CFAP73: variants seen among roughly 807,000 people sequenced by gnomAD.
The protein encoded by CFAP73 is cilia and flagella associated protein 73, also known as cilia- and flagella-associated protein 73.
CFAP73 carries 33 observed loss-of-function variants against 42.9 expected under a neutral mutation model. The observed-to-expected ratio is 0.77, with a 90% CI of 0.58 to 1.03. The LOEUF (loss-of-function observed/expected upper bound fraction) is 1.03. Ranked by LOEUF, CFAP73 falls within the 50% of genes least tolerant of loss-of-function variation. The pLI, the probability that CFAP73 is intolerant of heterozygous loss-of-function variation, is 0.00. For synonymous variants in CFAP73, 162 were observed against 186.8 expected (o/e 0.87, Z 1.08); for missense variants, 392 against 411.9 (o/e 0.95, Z 0.42).
intron 1 of CFAP73, among the ~76,000 whole-genome samples, chr12:113,150,326 T>C (rs7959803): frequency 0.11 from 17,207 of 152,076 alleles, 1,187 homozygotes; most frequent in East Asian, 0.21. Context: ...GGGGTTTTCT[T>C]CTGGACCACG....
Position 113,157,488 on chromosome 12 carries a change from A to G in CFAP73, c.850-114A>G, listed in dbSNP as rs1051402592. 6.4e-6 allele frequency: 5 copies of G among 783,694 alleles called. No homozygotes were observed. The Admixed American group carries it at 8.8e-5, about 14-fold the overall frequency. The allele number at this position is 783,694 out of a possible 1,614,324, so 48.5% of individuals were successfully genotyped here. A position where few individuals can be genotyped will look rare whatever the true frequency, so the allele number is the denominator to read the frequency against. On this transcript the variant is annotated intron_variant, in intron 6 of 7. Transcript: ENST00000335621. ...GAACCACCATCATCACTGTTCTTTTAATGAGGGGATCTCCAGTCCCCGCCC... is the reference window on the plus strand; with the variant it reads ...GAACCACCATCATCACTGTTCTTTTGATGAGGGGATCTCCAGTCCCCGCCC...
chr12:113,151,793 CAAAAA>C, intron 1 of CFAP73, 120 bp from the exon 2 acceptor site: 11 of 455,132 alleles, frequency 2.4e-5, no homozygotes, highest in Admixed American at 4.3e-5. Context: ...AAACAAGTCT[CAAAAA>C]AAAAAAAAAA....
rs371716079 is a variant in CFAP73 at position 113,158,899 on chromosome 12, C to T, written c.*210C>T. On this transcript the variant is annotated 3_prime_UTR_variant, in exon 8 of 8. Transcript: ENST00000335621. The surrounding 1 kb of genome is among the most constrained non-coding windows in gnomAD (Gnocchi z 4.9). ...TCCTCACATCCTCTTCCGCATCTTGCCCTTCTTGGAGCGGGCACCCCGGCC... is the reference window on the plus strand; with the variant it reads ...TCCTCACATCCTCTTCCGCATCTTGTCCTTCTTGGAGCGGGCACCCCGGCC... 272 of 1,605,854 alleles carry T rather than the reference C, an allele frequency of 1.7e-4. 1 individual carries two copies. Among genetic ancestry groups the T allele is most frequent in the Non-Finnish European group, 2.2e-4 (264 of 1,174,136 alleles).
At position 113,157,705 on chromosome 12, in the gene CFAP73, AG is replaced by A; in HGVS notation, c.*11+18del. On this transcript the variant is annotated intron_variant, in intron 7 of 7. Transcript: ENST00000335621. ...CCCTGACACAGGTGAGCAGCGGGAG[AG>A]GGAACCCCTGAGAGACCCTGAGATA... 6.5e-7 allele frequency: 1 copy of A among 1,542,106 alleles called. No homozygotes were observed. Among genetic ancestry groups the A allele is most frequent in the Non-Finnish European group, 8.8e-7 (1 of 1,138,966 alleles).
In CFAP73 at chr12:113,157,532, G is replaced by A. The variant is rs556859691; in HGVS notation, c.850-70G>A. On this transcript the variant is annotated intron_variant, in intron 6 of 7. Transcript: ENST00000335621. ...CCCGCCCTACCTTTCGGCCTCCCCCGCGTGTTGAGGGGTGGGGGCTGGACA... is the reference window on the plus strand; with the variant it reads ...CCCGCCCTACCTTTCGGCCTCCCCCACGTGTTGAGGGGTGGGGGCTGGACA... The A allele has an allele frequency of 2.9e-5, 38 of 1,308,634 alleles. No homozygotes were observed. The African/African-American group carries it at 3.5e-4, about 12-fold the overall frequency. The allele number at this position is 1,308,634 out of a possible 1,614,324, so 81.1% of individuals were successfully genotyped here. A position where few individuals can be genotyped will look rare whatever the true frequency, so the allele number is the denominator to read the frequency against.
intron 6 of CFAP73, among the ~76,000 whole-genome samples, chr12:113,155,719 A>T (rs951640792): frequency 1.3e-5 from 2 of 152,160 alleles, no homozygotes; most frequent in African/African-American, 2.4e-5. Flanking sequence ...TCTACCAGGA[A>T]GGCCAGGGTT....
chr12:113,157,348 T>C, intron 6 of CFAP73: 1 of 565,968 alleles, frequency 1.8e-6, no homozygotes, highest in South Asian at 2.3e-5. Context: ...AATTGGATAG[T>C]GCAGGTGACA....
intron 6 of CFAP73, 54 bp from the exon 7 acceptor site, chr12:113,157,548 G>A (rs1566090060): frequency 3.4e-6 from 5 of 1,480,174 alleles, no homozygotes; most frequent in African/African-American, 1.4e-5. Context: ...TGAGGGGTGG[G>A]GGCTGGACAG....
rs763440975 is a variant in CFAP73 at position 113,152,781 on chromosome 12, A to C, written c.163-2A>C. On this transcript the variant is annotated splice_acceptor_variant, in intron 2 of 7. Transcript: ENST00000335621. LOFTEE classifies it high-confidence loss of function. ...CACAGACAACCCACTCCTCACCCCC[A>C]GGTGTTCCGCACCAAGACGGCAGCC... is the stretch of plus-strand genomic sequence containing the variant. 8 of 1,550,770 alleles carry C rather than the reference A, an allele frequency of 5.2e-6. No individual in the cohort carries two copies. In the South Asian group the frequency reaches 9.5e-5, roughly 18 times the overall value.
In CFAP73 at chr12:113,149,844, C is replaced by T. The variant is rs1403033947; in HGVS notation, c.-14C>T. On this transcript the variant is annotated 5_prime_UTR_variant, in exon 1 of 8. Transcript: ENST00000335621. Reference sequence around the variant, plus strand: ...CCAGCTGGTGGAAAGAAAGCTGGGGCAACTGCCAGAAGGATGGCGGTGCCC... The same window carrying T: ...CCAGCTGGTGGAAAGAAAGCTGGGGTAACTGCCAGAAGGATGGCGGTGCCC... 3.2e-6 allele frequency: 5 copies of T among 1,551,196 alleles called. No homozygotes were observed. The African/African-American group carries it at 6.8e-5, about 21-fold the overall frequency.
At chr12:113,157,407 T>C (rs182379090) in intron 6 of CFAP73, 195 bp from the exon 7 acceptor site, 428 of 591,528 alleles carry the variant, frequency 7.2e-4, no homozygotes, top group Non-Finnish European at 1.2e-3. Flanking sequence ...GTTGGGAAGG[T>C]TGGCCTGAGG....
rs573179592 is a variant in CFAP73, at chr12:113,157,658, G to C, written c.906G>C (p.Glu302Asp). 1.9e-6 allele frequency: 3 copies of C among 1,551,502 alleles called. No homozygotes were observed. The African/African-American group carries it at 4.1e-5, about 21-fold the overall frequency. The part of the protein sequence containing the change: ...SAMLAGLGQA[E>D]PAAPAS ...TGCTGGCCGGCCTGGGTCAGGCTGAGCCTGCAGCCCCTGCCTCCTAGCCCT... is the reference window on the plus strand; with the variant it reads ...TGCTGGCCGGCCTGGGTCAGGCTGACCCTGCAGCCCCTGCCTCCTAGCCCT... Residue 302 changes from glutamate (E) to aspartate (D), a missense_variant, in exon 7 of 8, where the codon GAG becomes GAC. By Grantham distance (45) the Glu-to-Asp change is conservative (BLOSUM62 2). Coordinates refer to ENST00000335621, the MANE Select transcript of CFAP73 (RefSeq NM_001144872.3).
chr12:113,154,558 G>T lies in CFAP73; in HGVS notation c.613G>T (p.Glu205Ter). 1 of 1,463,788 alleles carries T rather than the reference G, an allele frequency of 6.8e-7. No individual in the cohort carries two copies. The highest frequency in any genetic ancestry group is 8.9e-7 in the Non-Finnish European group (1 of 1,118,300). 90.7% of individuals were successfully genotyped at this position (1,463,788 alleles called of 1,614,324 possible). ...GCAGCTGCGGGACGCCTGGCCGGACGAGGTGCTCGCACAGGGCCAGCGGCG... is the reference window on the plus strand; with the variant it reads ...GCAGCTGCGGGACGCCTGGCCGGACTAGGTGCTCGCACAGGGCCAGCGGCG... Reference protein sequence around the residue: ...LQQLRDAWPDEVLAQGQRRAQ... With the variant: ...LQQLRDAWPD Residue 205 changes from glutamate to a stop codon, truncating the protein, a stop_gained, in exon 5 of 8, where the codon GAG becomes TAG. Coordinates refer to ENST00000335621, the MANE Select transcript of CFAP73 (RefSeq NM_001144872.3). LOFTEE classifies it high-confidence loss of function. This position sits in a 1 kb window ranked among gnomAD's most constrained non-coding sequence, Gnocchi z 4.7.
chr12:113,151,654 C>A (rs74572368), intron 1 of CFAP73, among the ~76,000 whole-genome samples: 5 of 151,960 alleles, frequency 3.3e-5, no homozygotes, highest in Admixed American at 1.3e-4. Flanking sequence ...AAAAATTAGC[C>A]GGGTGTGGTG....
At chr12:113,150,889 C>G (rs1952055900) in intron 1 of CFAP73, among the ~76,000 whole-genome samples, 1 of 152,166 alleles carries the variant, frequency 6.6e-6, no homozygotes, top group Non-Finnish European at 1.5e-5. Context: ...GAATCTGTTC[C>G]CTGGAGATGT....
At chr12:113,153,128 G>A in intron 3 of CFAP73, 80 bp from the exon 4 acceptor site, 1 of 1,384,850 alleles carries the variant, frequency 7.2e-7, no homozygotes, top group Middle Eastern at 2.5e-4. Flanking sequence ...GCGAGCGAAT[G>A]TCAGGGCAGG....
intron 7 of CFAP73, chr12:113,157,986 A>C (rs1367495645): frequency 2.3e-6 from 1 of 428,138 alleles, no homozygotes; most frequent in African/African-American, 2.0e-5. Flanking sequence ...CATGAAAAAA[A>C]ACTCTTTGTC....
chr12:113,157,380 T>C (rs529048206), intron 6 of CFAP73: 224 of 582,994 alleles, frequency 3.8e-4, no homozygotes, highest in African/African-American at 3.5e-3. Flanking sequence ...GCTGTGAAGG[T>C]GTCTGCTCAC....
In CFAP73 at chr12:113,154,707, G is replaced by A; in HGVS notation, c.690+72G>A. ...CAGCCGGGCGGGGAGGAACGCCAGG[G>A]CTGATGAGGACCGATGGGGCAATGC... On this transcript the variant is annotated intron_variant, in intron 5 of 7. Transcript: ENST00000335621. The surrounding 1 kb of genome is among the most constrained non-coding windows in gnomAD (Gnocchi z 4.7). 3 of 1,376,680 alleles carry A rather than the reference G, an allele frequency of 2.2e-6. No individual in the cohort carries two copies. Among genetic ancestry groups the A allele is most frequent in the Non-Finnish European group, 1.9e-6 (2 of 1,074,206 alleles). 85.3% of individuals were successfully genotyped at this position (1,376,680 alleles called of 1,614,324 possible).
Sources: allele counts gnomAD v4.1 joint callset (sites outside exome capture counted in the v4.1 genomes callset), GRCh38; gene constraint gnomAD v4.1.1; non-coding constraint Gnocchi (gnomAD v3.1); transcripts MANE v1.5; gene names NCBI Gene and HGNC (gene_info 2026-07-23, HGNC 2026-07-21).